The following CACNA2D3 variants were observed in gnomAD, a reference collection of about 807,000 sequenced individuals.
CACNA2D3 encodes the protein calcium voltage-gated channel auxiliary subunit alpha2delta 3, also known as voltage-dependent calcium channel subunit alpha-2/delta-3.
CACNA2D3 carries 60 observed loss-of-function variants against 160.6 expected under a neutral mutation model. The ratio of observed to expected loss-of-function variants is 0.37; its 90% confidence interval spans 0.30 to 0.46. The LOEUF (loss-of-function observed/expected upper bound fraction) is 0.46. Ranked by LOEUF, CACNA2D3 falls within the 20% of genes least tolerant of loss-of-function variation. The pLI is 1.00. For missense variants in CACNA2D3, 1,205 were observed against 1,365.0 expected, an observed-to-expected ratio of 0.88 and a Z score of 1.85; for synonymous variants, 558 against 492.9, an observed-to-expected ratio of 1.13 and a Z score of -1.75.
At chr3:54,984,784 T>A in intron 30 of CACNA2D3, 114 bp downstream of exon 30, 1 of 678,008 alleles carries the variant, frequency 1.5e-6, no homozygotes, top group South Asian at 1.8e-5. Flanking sequence ...TAGGAGGTAA[T>A]AGCAGGAGAT....
intron 27 of CACNA2D3, among the ~76,000 whole-genome samples, chr3:54,931,952 G>A (rs1157814765): frequency 6.6e-6 from 1 of 152,120 alleles, no homozygotes; most frequent in Non-Finnish European, 1.5e-5. Context: ...AGGCTAAGGT[G>A]GGTGGATCAC....
chr3:54,582,023 G>A, intron 9 of CACNA2D3, 146 bp downstream of exon 9: 1 of 608,636 alleles, frequency 1.6e-6, no homozygotes, highest in South Asian at 2.3e-5. Flanking sequence ...TTTATTAAGA[G>A]CACAAAGAAA....
At chr3:54,666,051 G>T (rs945936342) in intron 11 of CACNA2D3, among the ~76,000 whole-genome samples, 2 of 152,128 alleles carry the variant, frequency 1.3e-5, no homozygotes. Flanking sequence ...TCAGGGAGGG[G>T]TATAGATGGA....
At chr3:54,464,259 C>T (rs981470972) in intron 4 of CACNA2D3, among the ~76,000 whole-genome samples, 3 of 152,210 alleles carry the variant, frequency 2.0e-5, no homozygotes, top group Non-Finnish European at 1.5e-5. Context: ...TGCCCCTTCT[C>T]ATATCTCCAG....
chr3:54,893,019 T>C (rs1311600795), intron 25 of CACNA2D3, among the ~76,000 whole-genome samples: 1 of 152,212 alleles, frequency 6.6e-6, no homozygotes, highest in African/African-American at 2.4e-5. Context: ...CTCATGCCTG[T>C]AATCCCAGAA....
chr3:54,809,342 C>T (rs1276855237), intron 13 of CACNA2D3, among the ~76,000 whole-genome samples: 8 of 66,706 alleles, frequency 1.2e-4, no homozygotes, highest in African/African-American at 4.0e-4. Flanking sequence ...GACGGAGTCT[C>T]GCTCTGTCGC....
intron 13 of CACNA2D3, among the ~76,000 whole-genome samples, chr3:54,788,309 T>C (rs1233353813): frequency 6.6e-6 from 1 of 152,176 alleles, no homozygotes; most frequent in Non-Finnish European, 1.5e-5. Flanking sequence ...TGGCTGATTT[T>C]CTTAACTGGT....
chr3:54,267,410 G>C (rs1345633144), intron 2 of CACNA2D3, among the ~76,000 whole-genome samples: 1 of 152,194 alleles, frequency 6.6e-6, no homozygotes, highest in Non-Finnish European at 1.5e-5. Flanking sequence ...TGGGTTTAGA[G>C]AGTTAATAAG....
intron 2 of CACNA2D3, among the ~76,000 whole-genome samples, chr3:54,180,405 G>A (rs1559873813): frequency 6.6e-6 from 1 of 152,122 alleles, no homozygotes; most frequent in African/African-American, 2.4e-5. Flanking sequence ...AAGATCTGTC[G>A]ACCGAGTGAA....
At chr3:54,873,001 G>A (rs770564675) in intron 18 of CACNA2D3, among the ~76,000 whole-genome samples, 11 of 152,024 alleles carry the variant, frequency 7.2e-5, no homozygotes, top group Non-Finnish European at 1.5e-4. Context: ...TTAGACTCCT[G>A]CCAGGTTCAA....
At chr3:54,266,608 T>G (rs757637694) in intron 2 of CACNA2D3, among the ~76,000 whole-genome samples, 29 of 152,316 alleles carry the variant, frequency 1.9e-4, no homozygotes, top group Middle Eastern at 3.4e-3. Flanking sequence ...TCATATTTGC[T>G]GATGAGTGAG....
chr3:54,739,749 A>ATGTGTGTGTGTG (rs1451782803), intron 11 of CACNA2D3, among the ~76,000 whole-genome samples: 3 of 80,726 alleles, frequency 3.7e-5, no homozygotes, highest in African/African-American at 1.7e-4. Context: ...TTCTCCTCAT[A>ATGTGTGTGTGTG]TATGTGTGTG....
chr3:54,401,035 A>G (rs1238149473), intron 4 of CACNA2D3, among the ~76,000 whole-genome samples: 2 of 152,182 alleles, frequency 1.3e-5, no homozygotes, highest in Non-Finnish European at 2.9e-5. Context: ...ATCTCAACGG[A>G]GATAAATATC....
At chr3:54,485,397 T>A (rs1031895055) in intron 4 of CACNA2D3, among the ~76,000 whole-genome samples, 1 of 152,184 alleles carries the variant, frequency 6.6e-6, no homozygotes, top group African/African-American at 2.4e-5. Flanking sequence ...TGGTTGGTCT[T>A]GTAAGCTGGC....
At chr3:54,204,615 T>G (rs914070696) in intron 2 of CACNA2D3, among the ~76,000 whole-genome samples, 1 of 151,848 alleles carries the variant, frequency 6.6e-6, no homozygotes, top group Non-Finnish European at 1.5e-5. Context: ...GCTAACATGG[T>G]GAAACCCTGT....
intron 11 of CACNA2D3, among the ~76,000 whole-genome samples, chr3:54,657,661 A>C (rs544275318): frequency 6.6e-6 from 1 of 152,276 alleles, no homozygotes; most frequent in South Asian, 2.1e-4. Context: ...TTCACTTTGC[A>C]TAATGTCTTC....
At chr3:54,331,420 T>C (rs1018394005) in intron 3 of CACNA2D3, among the ~76,000 whole-genome samples, 3 of 152,172 alleles carry the variant, frequency 2.0e-5, no homozygotes, top group African/African-American at 7.2e-5. Flanking sequence ...TAGTAGAGTC[T>C]ATGTGTATGT....
chr3:54,514,662 A>G (rs1701514885), intron 5 of CACNA2D3, among the ~76,000 whole-genome samples: 1 of 152,074 alleles, frequency 6.6e-6, no homozygotes, highest in African/African-American at 2.4e-5. Context: ...AGTGTATCCC[A>G]CAGCAGCTCA....
intron 14 of CACNA2D3, among the ~76,000 whole-genome samples, chr3:54,829,833 G>A (rs967752652): frequency 1.4e-5 from 2 of 146,918 alleles, no homozygotes; most frequent in Non-Finnish European, 3.0e-5. Context: ...CCTTTGCTAA[G>A]CTCCCCTGTC....
Sources: gnomAD v4.1 joint callset for allele counts (sites outside exome capture counted in the v4.1 genomes callset) on GRCh38, gnomAD v4.1.1 for gene constraint, MANE v1.5 for transcripts, NCBI Gene and HGNC (gene_info 2026-07-23, HGNC 2026-07-21) for gene names.